ADAMTSL1: variants seen among roughly 807,000 people sequenced by gnomAD.
ADAMTSL1 encodes the protein ADAMTS-like protein 1.
In ADAMTSL1, 126 loss-of-function variants were observed where a neutral mutation model predicts 201.8. The ratio of observed to expected loss-of-function variants is 0.62; its 90% confidence interval spans 0.54 to 0.72. The LOEUF is 0.72. Among genes scored for constraint, ADAMTSL1 ranks in the 30% least tolerant of loss-of-function variants. The pLI is 0.00. For synonymous variants in ADAMTSL1, 1,121 were observed against 903.4 expected (o/e 1.24, Z -4.32); for missense variants, 2,679 against 2,277.8 (o/e 1.18, Z -3.59).
At chr9:18,826,895 T>G (rs1345859784) in intron 22 of ADAMTSL1, among the ~76,000 whole-genome samples, 1 of 152,204 alleles carries the variant, frequency 6.6e-6, no homozygotes, top group Non-Finnish European at 1.5e-5. Context: ...TGTAATATTT[T>G]TCATATAATT....
At chr9:18,114,154 A>C (rs921361341) in intron 1 of ADAMTSL1, among the ~76,000 whole-genome samples, 1 of 152,174 alleles carries the variant, frequency 6.6e-6, no homozygotes, top group Non-Finnish European at 1.5e-5. Context: ...AAGTAACAGG[A>C]AGGCTGAAGA....
At chr9:17,951,847 T>G (rs1004055104) in intron 1 of ADAMTSL1, among the ~76,000 whole-genome samples, 23 of 152,272 alleles carry the variant, frequency 1.5e-4, no homozygotes, top group Admixed American at 2.6e-4. Flanking sequence ...AGACAGGGTG[T>G]CACTCTGTCA....
At position 18,776,991 on chromosome 9, in the gene ADAMTSL1, C is replaced by A; in HGVS notation, c.2762C>A (p.Ser921Ter). The stretch of plus-strand genomic sequence containing the variant: ...AAGGACGGCCAGCACCTCATCAGCT[C>A]GACGCACGTCACGGTGGCCCCCTTC... ...WEKDGQHLIS[S>*]THVTVAPFGY... The change falls in exon 19 of 29, where the codon TCG becomes TAG. Residue 921 changes from serine (S) to a stop codon, truncating the protein, a stop_gained. Coordinates refer to ENST00000380548, the MANE Select transcript of ADAMTSL1 (RefSeq NM_001040272.6). LOFTEE classifies it high-confidence loss of function. The A allele has an allele frequency of 6.2e-7, 1 of 1,600,084 alleles. No homozygotes were observed. The highest frequency in any genetic ancestry group is 8.5e-7 in the Non-Finnish European group (1 of 1,171,468).
intron 1 of ADAMTSL1, among the ~76,000 whole-genome samples, chr9:17,922,550 A>C (rs549661946): frequency 1.8e-4 from 28 of 152,174 alleles, no homozygotes; most frequent in African/African-American, 6.3e-4. Context: ...CCCCTCACCC[A>C]CATAACCACA....
chr9:18,035,330 G>A (rs1018809911), intron 1 of ADAMTSL1, among the ~76,000 whole-genome samples: 3 of 152,142 alleles, frequency 2.0e-5, no homozygotes, highest in Non-Finnish European at 2.9e-5. Flanking sequence ...AAAATGATGT[G>A]CTTCAATTGA....
chr9:18,617,891 G>C (rs993973353), intron 4 of ADAMTSL1, among the ~76,000 whole-genome samples: 1 of 152,160 alleles, frequency 6.6e-6, no homozygotes, highest in Non-Finnish European at 1.5e-5. Context: ...GCATCCAGCT[G>C]ACACCTCATA....
At chr9:18,389,696 T>C (rs1587049771) in intron 2 of ADAMTSL1, among the ~76,000 whole-genome samples, 1 of 152,220 alleles carries the variant, frequency 6.6e-6, no homozygotes, top group Non-Finnish European at 1.5e-5. Context: ...TATATTAATT[T>C]CTGAACACAG....
intron 19 of ADAMTSL1, among the ~76,000 whole-genome samples, chr9:18,791,537 T>C (rs1204303287): frequency 6.6e-6 from 1 of 152,034 alleles, no homozygotes; most frequent in Non-Finnish European, 1.5e-5. Flanking sequence ...AAAAAAGTGC[T>C]GGACCAAAAA....
Position 18,074,184 on chromosome 9 carries a change from A to G in ADAMTSL1, c.88-89678A>G, listed in dbSNP as rs530549364. On this transcript the variant is annotated intron_variant, in intron 1 of 29. Transcript: ENST00000680146. ...ATGCCCACCAGCTGGCCCAGGCTGCATCTGCTTTAATGACAGGCAAGCCAG... is the reference window on the plus strand; with the variant it reads ...ATGCCCACCAGCTGGCCCAGGCTGCGTCTGCTTTAATGACAGGCAAGCCAG... 7.2e-5 allele frequency among the ~76,000 whole-genome samples: 11 copies of G among 152,292 alleles called. No homozygotes were observed. In the South Asian group the frequency reaches 2.3e-3, roughly 32 times the overall value.
chr9:18,756,358 G>A (rs913504742), intron 16 of ADAMTSL1, among the ~76,000 whole-genome samples: 1 of 145,924 alleles, frequency 6.9e-6, no homozygotes, highest in Admixed American at 6.9e-5. Flanking sequence ...TAAACTATTT[G>A]TCTTACATTA....
chr9:18,673,093 C>T (rs1829927941), intron 9 of ADAMTSL1, among the ~76,000 whole-genome samples: 1 of 152,180 alleles, frequency 6.6e-6, no homozygotes, highest in South Asian at 2.1e-4. Context: ...GCCTCCTTCA[C>T]CACACCCCAC....
chr9:18,289,061 T>G (rs1357803818), intron 2 of ADAMTSL1, among the ~76,000 whole-genome samples: 1 of 152,184 alleles, frequency 6.6e-6, no homozygotes, highest in Non-Finnish European at 1.5e-5. Context: ...TATATATTAG[T>G]CTGGGTTCTC....
Position 18,892,511 on chromosome 9 carries a change from G to A in ADAMTSL1, c.4766G>A (p.Cys1589Tyr), listed in dbSNP as rs1311279817. The part of the protein sequence containing the change: ...GISTPVSNDM[C>Y]TQVAKRPVDT... ...TCCACCCCTGTGTCCAATGACATGTGCACCCAGGTCGCCAAGCGGCCTGTG... is the reference window on the plus strand; with the variant it reads ...TCCACCCCTGTGTCCAATGACATGTACACCCAGGTCGCCAAGCGGCCTGTG... The change falls in exon 26 of 29, where the codon TGC becomes TAC. Residue 1589 changes from cysteine (C) to tyrosine (Y), a missense_variant. By Grantham distance (194) the Cys-to-Tyr change is radical. Transcript: ENST00000380548. 1 of 1,603,506 alleles carries A rather than the reference G, an allele frequency of 6.2e-7. No individual in the cohort carries two copies. Among genetic ancestry groups the A allele is most frequent in the Non-Finnish European group, 8.5e-7 (1 of 1,175,106 alleles).
intron 2 of ADAMTSL1, among the ~76,000 whole-genome samples, chr9:18,396,056 G>A (rs762007007): frequency 6.6e-6 from 1 of 152,194 alleles, no homozygotes; most frequent in Non-Finnish European, 1.5e-5. Flanking sequence ...GCTAGCTCTT[G>A]CCTCTGAAGA....
intron 2 of ADAMTSL1, among the ~76,000 whole-genome samples, chr9:18,314,331 T>C (rs1433556770): frequency 6.6e-6 from 1 of 152,192 alleles, no homozygotes; most frequent in Non-Finnish European, 1.5e-5. Context: ...GGTGGGTTCT[T>C]GGTCTCGCTG....
chr9:18,374,885 G>A (rs1837214986), intron 2 of ADAMTSL1, among the ~76,000 whole-genome samples: 1 of 152,178 alleles, frequency 6.6e-6, no homozygotes, highest in Admixed American at 6.5e-5. Context: ...TTCAACTGCT[G>A]GGGGATTATC....
chr9:17,935,175 C>G (rs1363310242), intron 1 of ADAMTSL1, among the ~76,000 whole-genome samples: 1 of 152,060 alleles, frequency 6.6e-6, no homozygotes, highest in Non-Finnish European at 1.5e-5. Context: ...CCTCATTTCA[C>G]TTGACTTACC....
At chr9:18,637,547 G>A (rs777443287) in intron 6 of ADAMTSL1, among the ~76,000 whole-genome samples, 72 of 152,234 alleles carry the variant, frequency 4.7e-4, no homozygotes, top group Admixed American at 1.0e-3. Context: ...TGAAGAATTG[G>A]CCTTGTGTGA....
intron 4 of ADAMTSL1, among the ~76,000 whole-genome samples, chr9:18,589,602 C>T (rs1242170058): frequency 6.6e-6 from 1 of 152,056 alleles, no homozygotes; most frequent in Non-Finnish European, 1.5e-5. Context: ...CTAAGATTTC[C>T]AGTACTGTTT....
Sources: allele counts gnomAD v4.1 joint callset (sites outside exome capture counted in the v4.1 genomes callset), GRCh38; gene constraint gnomAD v4.1.1; transcripts MANE v1.5; gene names NCBI Gene and HGNC (gene_info 2026-07-23, HGNC 2026-07-21).